Variants in GTF2IRD1 observed in about 807,000 individuals in gnomAD.
GTF2IRD1 encodes the protein general transcription factor II-I repeat domain-containing protein 1.
In GTF2IRD1, 26 loss-of-function variants were observed where a neutral mutation model predicts 113.2. The observed-to-expected ratio is 0.23, with a 90% CI of 0.17 to 0.32. The LOEUF (loss-of-function observed/expected upper bound fraction) is 0.32, where lower values mean the gene tolerates loss of function less well. Among genes scored for constraint, GTF2IRD1 ranks in the 10% least tolerant of loss-of-function variants. GTF2IRD1 has a pLI of 1.00. For missense variants in GTF2IRD1, 864 were observed against 1,280.8 expected, an observed-to-expected ratio of 0.67 and a Z score of 4.97; for synonymous variants, 484 against 529.1, an observed-to-expected ratio of 0.91 and a Z score of 1.17.
intron 1 of GTF2IRD1, among the ~76,000 whole-genome samples, chr7:74,458,987 T>G (rs1007875295): frequency 1.3e-5 from 2 of 152,006 alleles, no homozygotes. Context: ...CCACCCTATT[T>G]TGGTAGCTCT....
At chr7:74,568,721 G>T (rs1412198672) in intron 22 of GTF2IRD1, among the ~76,000 whole-genome samples, 1 of 152,198 alleles carries the variant, frequency 6.6e-6, no homozygotes, top group Non-Finnish European at 1.5e-5. Context: ...GCTCATGCAA[G>T]CTCCTCTCTG....
intron 21 of GTF2IRD1, 25 bp downstream of exon 21, chr7:74,559,069 G>A (rs782649822): frequency 6.2e-7 from 1 of 1,600,976 alleles, no homozygotes; most frequent in African/African-American, 1.3e-5. Context: ...GGGTGAGGGT[G>A]AAGAGGCAGG....
chr7:74,600,988 G>A (rs1802725467), intron 25 of GTF2IRD1, 56 bp from the exon 26 acceptor site: 3 of 1,598,106 alleles, frequency 1.9e-6, no homozygotes, highest in Non-Finnish European at 8.6e-7. Context: ...AGCTCAGGAG[G>A]CTGAGACAGA....
At chr7:74,474,983 A>G (rs1038763224) in intron 1 of GTF2IRD1, among the ~76,000 whole-genome samples, 1 of 152,092 alleles carries the variant, frequency 6.6e-6, no homozygotes, top group Non-Finnish European at 1.5e-5. Context: ...TTAGCCAGGT[A>G]TGGTGGTGTG....
chr7:74,464,261 G>C (rs1264480267), intron 1 of GTF2IRD1, among the ~76,000 whole-genome samples: 1 of 152,180 alleles, frequency 6.6e-6, no homozygotes, highest in African/African-American at 2.4e-5. Flanking sequence ...TACCTCCACA[G>C]GTTTGCCAGG....
chr7:74,476,607 G>T (rs1474941048), intron 1 of GTF2IRD1, among the ~76,000 whole-genome samples: 5 of 151,672 alleles, frequency 3.3e-5, no homozygotes, highest in African/African-American at 1.2e-4. Context: ...TAAGTGATCC[G>T]CCTGCCTCTG....
chr7:74,490,478 G>C (rs1432992824), intron 1 of GTF2IRD1, among the ~76,000 whole-genome samples: 1 of 152,090 alleles, frequency 6.6e-6, no homozygotes, highest in Non-Finnish European at 1.5e-5. Context: ...ACCCCCACTG[G>C]GGAGCCTCTG....
At chr7:74,488,692 C>G (rs1554336057) in intron 1 of GTF2IRD1, among the ~76,000 whole-genome samples, 4 of 151,588 alleles carry the variant, frequency 2.6e-5, no homozygotes, top group African/African-American at 4.8e-5. Context: ...TAGGAGAGAT[C>G]AAGATCGAGG....
intron 22 of GTF2IRD1, among the ~76,000 whole-genome samples, chr7:74,587,321 T>C (rs1218473701): frequency 9.2e-5 from 14 of 151,858 alleles, no homozygotes; most frequent in Non-Finnish European, 8.8e-5. Context: ...GGCAGGCGCC[T>C]GTAGTCCCAG....
At chr7:74,474,760 A>G (rs1352680202) in intron 1 of GTF2IRD1, among the ~76,000 whole-genome samples, 8 of 152,164 alleles carry the variant, frequency 5.3e-5, no homozygotes, top group Non-Finnish European at 7.3e-5. Context: ...CGCAACTGTG[A>G]TTTCTCAGAA....
intron 1 of GTF2IRD1, among the ~76,000 whole-genome samples, chr7:74,501,187 G>A (rs911437358): frequency 6.6e-5 from 10 of 152,026 alleles, no homozygotes; most frequent in African/African-American, 1.9e-4. Context: ...GGGTGGTCTC[G>A]CCTGTTCACT....
intron 26 of GTF2IRD1, chr7:74,601,441 T>C: frequency 2.1e-6 from 3 of 1,459,074 alleles, no homozygotes; most frequent in Non-Finnish European, 2.7e-6. Flanking sequence ...GAGGTCCACC[T>C]GCCCACACCC....
chr7:74,539,142 T>C (rs1798481386), intron 13 of GTF2IRD1, among the ~76,000 whole-genome samples: 1 of 152,052 alleles, frequency 6.6e-6, no homozygotes, highest in Non-Finnish European at 1.5e-5. Flanking sequence ...CAGTACGGGG[T>C]GACTGTTAGA....
At chr7:74,471,063 C>G (rs1794053573) in intron 1 of GTF2IRD1, among the ~76,000 whole-genome samples, 1 of 152,178 alleles carries the variant, frequency 6.6e-6, no homozygotes, top group South Asian at 2.1e-4. Flanking sequence ...CCTCAGCCTC[C>G]CAAAGTGCTG....
At chr7:74,508,028 A>G in intron 1 of GTF2IRD1, 47 bp from the exon 2 acceptor site, 2 of 1,568,720 alleles carry the variant, frequency 1.3e-6, no homozygotes, top group African/African-American at 1.3e-5. Context: ...ATATGAGACA[A>G]GCCCCCTGCC....
intron 13 of GTF2IRD1, among the ~76,000 whole-genome samples, chr7:74,539,624 GT>G (rs1455632265): frequency 2.0e-5 from 3 of 152,002 alleles, no homozygotes; most frequent in Non-Finnish European, 4.4e-5. Context: ...CACGCCTGTA[GT>G]CCCAGCTACT....
chr7:74,511,064 AAG>A (rs1796604499), intron 2 of GTF2IRD1, among the ~76,000 whole-genome samples: 1 of 151,940 alleles, frequency 6.6e-6, no homozygotes, highest in South Asian at 2.1e-4. Flanking sequence ...AAAAAAAAAA[AAG>A]TTCTACTTGG....
rs115323084 is a variant in GTF2IRD1 at position 74,553,923 on chromosome 7, G to A, written c.1917-1251G>A. Reference sequence around the variant, plus strand: ...TCCTGAGACTGTGGTTCAAGGCAGGGCTATGCTTCCCCTCCCAGCCCTGGC... The same window carrying A: ...TCCTGAGACTGTGGTTCAAGGCAGGACTATGCTTCCCCTCCCAGCCCTGGC... On this transcript the variant is annotated intron_variant, in intron 17 of 26. Transcript: ENST00000424337. Among the ~76,000 whole-genome samples the A allele has an allele frequency of 3.3e-3, 500 of 152,280 alleles. 1 individual carries two copies. The highest frequency in any genetic ancestry group is 0.011 in the African/African-American group (455 of 41,566).
chr7:74,508,269 A>T, intron 2 of GTF2IRD1, 66 bp downstream of exon 2: 2 of 1,535,600 alleles, frequency 1.3e-6, no homozygotes, highest in Non-Finnish European at 1.8e-6. Flanking sequence ...TTGTAGCTCA[A>T]GTCCTACCTC....
Sources: gnomAD v4.1 joint callset for allele counts (sites outside exome capture counted in the v4.1 genomes callset) on GRCh38, gnomAD v4.1.1 for gene constraint, MANE v1.5 for transcripts, NCBI Gene and HGNC (gene_info 2026-07-23, HGNC 2026-07-21) for gene names.